Variants in NR2C2 observed in about 807,000 individuals in gnomAD.
NR2C2 encodes nuclear receptor subfamily 2 group C member 2.
A neutral mutation model predicts 62.9 loss-of-function variants in NR2C2; 6 were observed. The ratio of observed to expected loss-of-function variants is 0.10; its 90% confidence interval spans 0.05 to 0.19. The LOEUF (loss-of-function observed/expected upper bound fraction) is 0.19. Among genes scored for constraint, NR2C2 ranks in the 10% least tolerant of loss-of-function variants. The pLI is 1.00. For missense variants in NR2C2, 479 were observed against 762.7 expected (o/e 0.63, Z 4.38); for synonymous variants, 272 against 273.8 (o/e 0.99, Z 0.07).
At chr3:14,973,687 C>G (rs1263477512) in intron 1 of NR2C2, among the ~76,000 whole-genome samples, 1 of 152,092 alleles carries the variant, frequency 6.6e-6, no homozygotes, top group Non-Finnish European at 1.5e-5. Flanking sequence ...AAAAGACTGT[C>G]CTTTCTTCAT....
intron 1 of NR2C2, among the ~76,000 whole-genome samples, chr3:14,952,868 C>G (rs547598752): frequency 1.3e-5 from 2 of 152,296 alleles, no homozygotes; most frequent in African/African-American, 4.8e-5. Flanking sequence ...AGTAAAGCAG[C>G]AGGAGCTCTA....
At chr3:14,951,262 C>A (rs946246780) in intron 1 of NR2C2, among the ~76,000 whole-genome samples, 2 of 152,146 alleles carry the variant, frequency 1.3e-5, no homozygotes, top group Admixed American at 1.3e-4. Context: ...GCCATTAATT[C>A]GGGATATTTA....
At chr3:14,957,332 C>G (rs909515465) in intron 1 of NR2C2, among the ~76,000 whole-genome samples, 1 of 152,158 alleles carries the variant, frequency 6.6e-6, no homozygotes, top group African/African-American at 2.4e-5. Context: ...TCAGGTGTTT[C>G]CAGAGCCCAG....
chr3:15,034,444 T>C (rs139974295), intron 10 of NR2C2: 10 of 468,160 alleles, frequency 2.1e-5, no homozygotes, highest in African/African-American at 1.6e-4. Flanking sequence ...ATTTAAAGAA[T>C]GTTTTTTAAG....
At chr3:15,005,358 A>G (rs903430698) in intron 2 of NR2C2, among the ~76,000 whole-genome samples, 2 of 132,458 alleles carry the variant, frequency 1.5e-5, no homozygotes, top group South Asian at 4.9e-4. Context: ...GGATACACAC[A>G]CGCATAATGC....
At chr3:15,031,726 T>C (rs2041985138) in intron 9 of NR2C2, among the ~76,000 whole-genome samples, 1 of 151,844 alleles carries the variant, frequency 6.6e-6, no homozygotes, top group Admixed American at 6.6e-5. Context: ...AGTTGGCCCC[T>C]GTTACCCAGA....
At chr3:14,967,361 T>C (rs115539029) in intron 1 of NR2C2, among the ~76,000 whole-genome samples, 2,400 of 152,146 alleles carry the variant, frequency 0.016, 67 homozygotes, top group African/African-American at 0.053. Context: ...CTTTAATTTT[T>C]GTTAAAAAGC....
At chr3:14,987,565 G>A (rs1465547707) in intron 1 of NR2C2, among the ~76,000 whole-genome samples, 1 of 152,134 alleles carries the variant, frequency 6.6e-6, no homozygotes, top group Non-Finnish European at 1.5e-5. Context: ...ACCACACTAT[G>A]TAAAAATAGT....
chr3:14,993,312 G>A (rs1317334767), intron 1 of NR2C2, among the ~76,000 whole-genome samples: 1 of 151,916 alleles, frequency 6.6e-6, no homozygotes, highest in African/African-American at 2.4e-5. Flanking sequence ...AAATTAGCCG[G>A]GCATGGTGGT....
chr3:14,956,022 C>G (rs2039514414), intron 1 of NR2C2, among the ~76,000 whole-genome samples: 1 of 152,176 alleles, frequency 6.6e-6, no homozygotes. Context: ...GAAGAAACAA[C>G]TTTCCTATGG....
intron 1 of NR2C2, among the ~76,000 whole-genome samples, chr3:14,988,901 T>C (rs988032684): frequency 3.0e-4 from 46 of 152,286 alleles, no homozygotes; most frequent in African/African-American, 1.1e-3. Context: ...GAGTGGAAAT[T>C]TCATCATTTA....
intron 4 of NR2C2, among the ~76,000 whole-genome samples, chr3:15,018,953 T>G (rs2041590111): frequency 6.9e-6 from 1 of 145,034 alleles, no homozygotes. Flanking sequence ...AGGCAGAGGT[T>G]GCAGTAAGCC....
rs1228197373 is a variant in NR2C2, at chr3:14,997,277, A to G, written c.-39-6599A>G. Among the ~76,000 whole-genome samples the G allele has an allele frequency of 2.0e-5, 3 of 152,240 alleles. No individual in the cohort carries two copies. The East Asian group carries it at 5.8e-4, about 29-fold the overall frequency. On this transcript the variant is annotated intron_variant, in intron 1 of 13. Transcript: ENST00000425241. ...CACATAGCCTAATGTGTAGTAGGCT[A>G]TGCCATCTAGGTTTGTTGTAAGTAC...
At chr3:14,970,473 G>C (rs530004476) in intron 1 of NR2C2, among the ~76,000 whole-genome samples, 1 of 152,152 alleles carries the variant, frequency 6.6e-6, no homozygotes, top group South Asian at 2.1e-4. Flanking sequence ...TATCCATGTA[G>C]CACCAGCTAC....
intron 1 of NR2C2, among the ~76,000 whole-genome samples, chr3:14,965,606 C>G (rs146341186): frequency 1.3e-5 from 2 of 148,984 alleles, no homozygotes. Flanking sequence ...AAAAGCAATC[C>G]TCCTGTTTAA....
chr3:14,969,151 AAAAG>A (rs1398290877), intron 1 of NR2C2, among the ~76,000 whole-genome samples: 1 of 152,180 alleles, frequency 6.6e-6, no homozygotes, highest in East Asian at 1.9e-4. Flanking sequence ...ATAAATTAAA[AAAAG>A]AAAAAAAAAT....
At chr3:14,991,817 A>C (rs1220562461) in intron 1 of NR2C2, among the ~76,000 whole-genome samples, 1 of 136,756 alleles carries the variant, frequency 7.3e-6, no homozygotes, top group Non-Finnish European at 1.5e-5. Context: ...AGGCTGGAGC[A>C]CAGTGGTGCC....
chr3:15,016,716 G>GC (rs2041521110), intron 4 of NR2C2, among the ~76,000 whole-genome samples: 1 of 152,180 alleles, frequency 6.6e-6, no homozygotes, highest in Admixed American at 6.5e-5. Flanking sequence ...GTCAGGAAAG[G>GC]CCCCACAGAG....
intron 1 of NR2C2, among the ~76,000 whole-genome samples, chr3:14,980,060 G>C (rs1296356700): frequency 6.6e-6 from 1 of 152,016 alleles, no homozygotes; most frequent in Non-Finnish European, 1.5e-5. Flanking sequence ...AATTTCCTTA[G>C]GTGGCCATAT....
Sources: gnomAD v4.1 joint callset for allele counts (sites outside exome capture counted in the v4.1 genomes callset) on GRCh38, gnomAD v4.1.1 for gene constraint, MANE v1.5 for transcripts, NCBI Gene and HGNC (gene_info 2026-07-23, HGNC 2026-07-21) for gene names.